The following ABLIM3 variants were observed in gnomAD, a reference collection of about 807,000 sequenced individuals.
The protein encoded by ABLIM3 is actin binding LIM protein family member 3.
A neutral mutation model predicts 109.5 loss-of-function variants in ABLIM3; 61 were observed. The ratio of observed to expected loss-of-function variants is 0.56; its 90% CI spans 0.45 to 0.69. The LOEUF (loss-of-function observed/expected upper bound fraction) is 0.69, where lower values mean the gene tolerates loss of function less well. ABLIM3 is among the 30% of genes least tolerant of loss of function. The probability of loss-of-function intolerance (pLI) is 0.00; values close to 1 mark genes in which losing one functional copy is unlikely to be tolerated. For synonymous variants in ABLIM3, 300 were observed against 324.8 expected (o/e 0.92, Z 0.82); for missense variants, 796 against 889.5 (o/e 0.89, Z 1.34).
intron 17 of ABLIM3, 133 bp downstream of exon 17, chr5:149,246,679 T>C: frequency 1.1e-6 from 1 of 946,488 alleles, no homozygotes; most frequent in Non-Finnish European, 1.5e-6. Context: ...TTTGCATAAC[T>C]GAAAAATCAA....
intron 2 of ABLIM3, among the ~76,000 whole-genome samples, chr5:149,168,187 A>G (rs575596550): frequency 8.5e-5 from 13 of 152,240 alleles, no homozygotes; most frequent in Admixed American, 2.6e-4. Context: ...GAGATGCGGT[A>G]GAAGGCTACT....
intron 12 of ABLIM3, 30 bp downstream of exon 12, chr5:149,239,307 TATATAATTGTG>T: frequency 6.2e-7 from 1 of 1,610,690 alleles, no homozygotes. Context: ...ATTAAGTTGA[TATATAATTGTG>T]CCCCTTTATG....
In ABLIM3 at chr5:149,259,959, C is replaced by T; in HGVS notation, c.*1555C>T. 4.1e-6 allele frequency: 1 copy of T among 244,596 alleles called. No individual in the cohort carries two copies. Among genetic ancestry groups the T allele is most frequent in the Non-Finnish European group, 8.0e-6 (1 of 125,170 alleles). The allele number at this position is 244,596 out of a possible 1,614,324, so 15.2% of individuals were successfully genotyped here. On this transcript the variant is annotated 3_prime_UTR_variant, in exon 24 of 24. Coordinates refer to ENST00000309868, the MANE Select transcript of ABLIM3 (RefSeq NM_014945.5). ...GGAGGGGAGCACGGGGTGAGTCAACCTGGGACTCGGTCTCAGGGATATGCC... is the reference window on the plus strand; with the variant it reads ...GGAGGGGAGCACGGGGTGAGTCAACTTGGGACTCGGTCTCAGGGATATGCC...
intron 8 of ABLIM3, among the ~76,000 whole-genome samples, chr5:149,226,997 G>A (rs1300072601): frequency 1.3e-5 from 2 of 150,266 alleles, no homozygotes; most frequent in African/African-American, 4.9e-5. Context: ...TTGAACCCAG[G>A]AGGCAGAGGT....
chr5:149,258,251 T>G, intron 23 of ABLIM3, 40 bp from the exon 24 acceptor site: 1 of 1,586,158 alleles, frequency 6.3e-7, no homozygotes, highest in Non-Finnish European at 8.6e-7. Context: ...GCTGCTCTCT[T>G]TCTCTGTCCC....
intron 14 of ABLIM3, 131 bp from the exon 15 acceptor site, chr5:149,242,360 G>A (rs189977055): frequency 2.5e-6 from 2 of 813,530 alleles, no homozygotes; most frequent in East Asian, 2.6e-5. Context: ...AAAAGATGGT[G>A]GCCCCTTGGA....
chr5:149,251,909 C>T (rs1438690), intron 21 of ABLIM3, among the ~76,000 whole-genome samples: 2,201 of 152,314 alleles, frequency 0.014, 64 homozygotes, highest in African/African-American at 0.049. Context: ...CTTGTCCATG[C>T]GTTTCAGATC....
At chr5:149,250,375 A>G (rs2127572002) in intron 19 of ABLIM3, 72 bp from the exon 20 acceptor site, 1 of 1,510,224 alleles carries the variant, frequency 6.6e-7, no homozygotes, top group Non-Finnish European at 9.2e-7. Flanking sequence ...GGCCATTGGT[A>G]GCCAGATGAC....
At chr5:149,225,958 ATGTG>A (rs372337062) in intron 8 of ABLIM3, among the ~76,000 whole-genome samples, 128 of 97,998 alleles carry the variant, frequency 1.3e-3, no homozygotes, top group African/African-American at 3.9e-3. Flanking sequence ...TGTATATAAT[ATGTG>A]TGTGTGTGTG....
intron 9 of ABLIM3, among the ~76,000 whole-genome samples, chr5:149,231,008 A>C (rs545707892): frequency 6.6e-6 from 1 of 152,294 alleles, no homozygotes; most frequent in South Asian, 2.1e-4. Flanking sequence ...CTCGCTGAGA[A>C]GCTCTCGCCA....
chr5:149,186,855 A>C (rs58161752), intron 3 of ABLIM3, among the ~76,000 whole-genome samples: 46,551 of 151,908 alleles, frequency 0.31, 7,444 homozygotes, highest in East Asian at 0.51. Context: ...AGCAAAAAAA[A>C]AACAACAGTG....
intron 15 of ABLIM3, chr5:149,244,089 C>T (rs1753115659): frequency 6.6e-6 from 1 of 152,636 alleles, no homozygotes; most frequent in African/African-American, 2.4e-5. Flanking sequence ...CAGCCACACA[C>T]ACTTCCCCAG....
intron 13 of ABLIM3, 78 bp downstream of exon 13, chr5:149,239,966 G>A: frequency 6.7e-7 from 1 of 1,484,634 alleles, no homozygotes; most frequent in South Asian, 1.4e-5. Flanking sequence ...TGCTGCAGAG[G>A]GCACAAGGCT....
chr5:149,156,439 G>A (rs1222983017), intron 2 of ABLIM3, among the ~76,000 whole-genome samples: 1 of 152,214 alleles, frequency 6.6e-6, no homozygotes, highest in Non-Finnish European at 1.5e-5. Context: ...ATGATTAATA[G>A]TGATAAGTAA....
intron 7 of ABLIM3, among the ~76,000 whole-genome samples, chr5:149,214,923 C>T (rs891953012): frequency 1.3e-5 from 2 of 152,140 alleles, no homozygotes; most frequent in African/African-American, 2.4e-5. Context: ...CAATTTTTTG[C>T]CATTTTTCTT....
intron 5 of ABLIM3, among the ~76,000 whole-genome samples, chr5:149,201,334 G>C (rs1326576159): frequency 6.6e-6 from 1 of 152,154 alleles, no homozygotes; most frequent in Non-Finnish European, 1.5e-5. Context: ...GCCTCGACAA[G>C]AAAATCAATG....
chr5:149,178,785 A>C (rs1360937087), intron 2 of ABLIM3, among the ~76,000 whole-genome samples: 1 of 152,192 alleles, frequency 6.6e-6, no homozygotes, highest in Non-Finnish European at 1.5e-5. Flanking sequence ...GAGAGGAGAG[A>C]GTGTGGAGGG....
Position 149,159,734 on chromosome 5 carries a change from C to T in ABLIM3, c.13+17626C>T, listed in dbSNP as rs1184915249. On this transcript the variant is annotated intron_variant, in intron 2 of 23. Transcript: ENST00000309868. ...AAGAGCTGTTTCAACTATGTAACAC[C>T]TGTAAAAATTTTTGGTAAACCTTTA... Among the ~76,000 whole-genome samples the T allele has an allele frequency of 4.6e-5, 7 of 152,286 alleles. No individual in the cohort carries two copies. In the East Asian group the frequency reaches 1.4e-3, roughly 29 times the overall value.
At chr5:149,251,504 T>G (rs1022334200) in intron 21 of ABLIM3, 85 bp downstream of exon 21, 3 of 1,483,970 alleles carry the variant, frequency 2.0e-6, no homozygotes, top group Non-Finnish European at 2.8e-6. Context: ...CGGCAAATGA[T>G]GGCTACAGAT....
Sources: gnomAD v4.1 joint callset for allele counts (sites outside exome capture counted in the v4.1 genomes callset) on GRCh38, gnomAD v4.1.1 for gene constraint, MANE v1.5 for transcripts, NCBI Gene and HGNC (gene_info 2026-07-23, HGNC 2026-07-21) for gene names.